Variants in OPCML observed in about 807,000 individuals in gnomAD.
OPCML encodes opioid-binding protein/cell adhesion molecule.
OPCML carries 13 observed loss-of-function variants against 37.8 expected under a neutral mutation model. The observed-to-expected ratio is 0.34, with a 90% CI of 0.22 to 0.55. The LOEUF (loss-of-function observed/expected upper bound fraction) is 0.55, where lower values mean the gene tolerates loss of function less well. OPCML is among the 20% of genes least tolerant of loss of function. The probability of loss-of-function intolerance (pLI) is 0.91; values close to 1 mark genes in which losing one functional copy is unlikely to be tolerated. For missense variants in OPCML, 341 were observed against 435.6 expected (o/e 0.78, Z 1.93); for synonymous variants, 176 against 168.8 (o/e 1.04, Z -0.33).
chr11:132,854,564 G>A (rs1022748385), intron 2 of OPCML, among the ~76,000 whole-genome samples: 2 of 152,170 alleles, frequency 1.3e-5, no homozygotes, highest in Non-Finnish European at 2.9e-5. Context: ...TCATTAGCAT[G>A]CAAAAGGACT....
At chr11:133,237,377 A>T (rs1186767571) in intron 1 of OPCML, among the ~76,000 whole-genome samples, 1 of 152,180 alleles carries the variant, frequency 6.6e-6, no homozygotes, top group Non-Finnish European at 1.5e-5. Flanking sequence ...TTTCTTGAGA[A>T]GTTAGTGTGC....
chr11:132,536,278 G>A (rs2096340598), intron 3 of OPCML, among the ~76,000 whole-genome samples: 1 of 152,214 alleles, frequency 6.6e-6, no homozygotes, highest in African/African-American at 2.4e-5. Flanking sequence ...AGTTTTAACT[G>A]TTTTATTTAA....
At chr11:132,469,339 C>A (rs915151482) in intron 4 of OPCML, among the ~76,000 whole-genome samples, 3 of 152,144 alleles carry the variant, frequency 2.0e-5, no homozygotes, top group Admixed American at 1.3e-4. Context: ...GCAGAGCAAG[C>A]ACAGGGCAGG....
At chr11:133,032,625 A>C (rs1947695654) in intron 1 of OPCML, among the ~76,000 whole-genome samples, 1 of 152,166 alleles carries the variant, frequency 6.6e-6, no homozygotes, top group Non-Finnish European at 1.5e-5. Context: ...CAATAATCCC[A>C]CATACATGCA....
intron 4 of OPCML, among the ~76,000 whole-genome samples, chr11:132,515,488 T>C (rs1323181382): frequency 6.6e-6 from 1 of 152,152 alleles, no homozygotes; most frequent in Non-Finnish European, 1.5e-5. Flanking sequence ...ATTGTGTGAG[T>C]CAATCACAGC....
intron 7 of OPCML, among the ~76,000 whole-genome samples, chr11:132,424,710 A>G (rs1346044272): frequency 2.0e-5 from 3 of 152,160 alleles, no homozygotes; most frequent in African/African-American, 4.8e-5. Context: ...CACTGAAAAC[A>G]GGCATGATGA....
intron 2 of OPCML, among the ~76,000 whole-genome samples, chr11:132,698,409 T>A (rs1205265843): frequency 6.6e-6 from 1 of 152,216 alleles, no homozygotes; most frequent in African/African-American, 2.4e-5. Context: ...TGAGTTTTTT[T>A]AAATATACCT....
chr11:132,572,349 T>C (rs2096440711), intron 3 of OPCML, among the ~76,000 whole-genome samples: 1 of 152,156 alleles, frequency 6.6e-6, no homozygotes, highest in Admixed American at 6.5e-5. Flanking sequence ...GAAGATTTTT[T>C]CCCATGTCTT....
At chr11:133,071,958 G>A (rs940253957) in intron 1 of OPCML, among the ~76,000 whole-genome samples, 8 of 152,184 alleles carry the variant, frequency 5.3e-5, no homozygotes, top group African/African-American at 1.9e-4. Flanking sequence ...CCAGAGTCAC[G>A]GAGTTAGCGG....
intron 2 of OPCML, among the ~76,000 whole-genome samples, chr11:132,830,405 A>G (rs942735976): frequency 6.6e-6 from 1 of 152,182 alleles, no homozygotes; most frequent in East Asian, 1.9e-4. Flanking sequence ...TAAGGTTAGG[A>G]CTGGCAGAGC....
intron 1 of OPCML, among the ~76,000 whole-genome samples, chr11:133,392,017 T>A (rs1206742266): frequency 1.3e-5 from 2 of 152,066 alleles, no homozygotes; most frequent in African/African-American, 4.8e-5. Context: ...GGAAAAAAAA[T>A]TAAAGACTAT....
At chr11:132,627,226 C>T (rs988601782) in intron 3 of OPCML, among the ~76,000 whole-genome samples, 17 of 152,050 alleles carry the variant, frequency 1.1e-4, no homozygotes, top group African/African-American at 4.1e-4. Flanking sequence ...CTAATAACTC[C>T]AACATCACAA....
intron 2 of OPCML, among the ~76,000 whole-genome samples, chr11:132,922,207 G>A (rs980667290): frequency 6.6e-6 from 1 of 152,020 alleles, no homozygotes; most frequent in Non-Finnish European, 1.5e-5. Flanking sequence ...TATCTTTAAT[G>A]TTACATTTTA....
At chr11:133,300,431 G>A (rs1003094063) in intron 1 of OPCML, 1 of 152,166 alleles carries the variant, frequency 6.6e-6, no homozygotes, top group Non-Finnish European at 1.5e-5. Context: ...ACCTGTCAGT[G>A]ATGCATTCCT....
At chr11:133,100,557 C>G (rs1012249051) in intron 1 of OPCML, among the ~76,000 whole-genome samples, 4 of 152,200 alleles carry the variant, frequency 2.6e-5, no homozygotes, top group African/African-American at 9.7e-5. Flanking sequence ...CACTACCTGA[C>G]TTCAAGACTT....
chr11:133,149,654 T>A (rs946779841), intron 1 of OPCML, among the ~76,000 whole-genome samples: 1 of 152,206 alleles, frequency 6.6e-6, no homozygotes, highest in Non-Finnish European at 1.5e-5. Flanking sequence ...GGAAACTTTG[T>A]CCAATTAGTT....
At chr11:132,951,949 C>T (rs1258664160) in intron 1 of OPCML, among the ~76,000 whole-genome samples, 5 of 152,178 alleles carry the variant, frequency 3.3e-5, no homozygotes, top group Admixed American at 2.0e-4. Context: ...TGGGATCACA[C>T]AGAAATATCT....
intron 1 of OPCML, among the ~76,000 whole-genome samples, chr11:133,407,818 C>A (rs924157699): frequency 6.6e-6 from 1 of 152,166 alleles, no homozygotes; most frequent in Non-Finnish European, 1.5e-5. Flanking sequence ...ATGCTTTATC[C>A]TTTCCCCAGA....
chr11:133,169,085 C>T (rs148422561), intron 1 of OPCML, among the ~76,000 whole-genome samples: 1,557 of 152,228 alleles, frequency 0.01, 37 homozygotes, highest in African/African-American at 0.036. Context: ...GCCGAGATCG[C>T]GCCATTGCAC....
Sources: gnomAD v4.1 joint callset for allele counts (sites outside exome capture counted in the v4.1 genomes callset) on GRCh38, gnomAD v4.1.1 for gene constraint, MANE v1.5 for transcripts, NCBI Gene and HGNC (gene_info 2026-07-23, HGNC 2026-07-21) for gene names.